The following IFNAR1 variants were observed in gnomAD, a reference collection of about 807,000 sequenced individuals.
IFNAR1 encodes interferon alpha/beta receptor 1.
A neutral mutation model predicts 62.1 loss-of-function variants in IFNAR1; 47 were observed. The ratio of observed to expected loss-of-function variants is 0.76; its 90% CI spans 0.60 to 0.97. IFNAR1 has a LOEUF of 0.97. Ranked by LOEUF, IFNAR1 falls within the 50% of genes least tolerant of loss-of-function variation. The pLI, the probability that IFNAR1 is intolerant of heterozygous loss-of-function variation, is 0.00. For missense variants in IFNAR1, 638 were observed against 654.5 expected, an observed-to-expected ratio of 0.97 and a Z score of 0.27; for synonymous variants, 219 against 226.9, an observed-to-expected ratio of 0.97 and a Z score of 0.31.
intron 1 of IFNAR1, chr21:33,334,822 C>A: frequency 1.1e-6 from 1 of 917,954 alleles, no homozygotes; most frequent in Non-Finnish European, 1.8e-6. Context: ...AATTCATGAC[C>A]CAGGTGGTGA....
In IFNAR1 at chr21:33,349,546, A is replaced by G. The variant is rs2083381413; in HGVS notation, c.1143+3A>G. 6.4e-7 allele frequency: 1 copy of G among 1,574,014 alleles called. No homozygotes were observed. Among genetic ancestry groups the G allele is most frequent in the Non-Finnish European group, 8.7e-7 (1 of 1,148,876 alleles). On this transcript the variant is annotated splice_donor_region_variant and intron_variant, in intron 8 of 10. Transcript: ENST00000270139. Reference sequence around the variant, plus strand: ...GGGAAAACACTTCAAATGCTGAGGTAAAAAGACTGTATAGTATAATTTTGT... The same window carrying G: ...GGGAAAACACTTCAAATGCTGAGGTGAAAAGACTGTATAGTATAATTTTGT...
intron 1 of IFNAR1, among the ~76,000 whole-genome samples, chr21:33,332,128 A>G (rs1183005179): frequency 6.6e-6 from 1 of 152,220 alleles, no homozygotes; most frequent in Non-Finnish European, 1.5e-5. Context: ...CAGACCTGAC[A>G]CCAAGAGGTG....
Position 33,355,626 on chromosome 21 carries a change from C to A in IFNAR1, c.*77C>A. The A allele has an allele frequency of 1.4e-6, 1 of 702,720 alleles. No individual in the cohort carries two copies. Among genetic ancestry groups the A allele is most frequent in the Non-Finnish European group, 2.4e-6 (1 of 417,102 alleles). The allele number at this position is 702,720 out of a possible 1,614,324, so 43.5% of individuals were successfully genotyped here. A position where few individuals can be genotyped will look rare whatever the true frequency, so the allele number is the denominator to read the frequency against. On this transcript the variant is annotated 3_prime_UTR_variant, in exon 11 of 11. Coordinates refer to ENST00000270139, the MANE Select transcript of IFNAR1 (RefSeq NM_000629.3). ...GAGCCTGAGGTCCTCACCTTCCTCT[C>A]AGTAACTACAGAGAGGACGTTTCCC...
At position 33,325,105 on chromosome 21, in the gene IFNAR1, C is replaced by T. The variant is rs143947592; in HGVS notation, c.50C>T (p.Ala17Val). 2.2e-5 allele frequency: 35 copies of T among 1,611,362 alleles called. No individual in the cohort carries two copies. The highest frequency in any genetic ancestry group is 2.9e-5 in the Non-Finnish European group (34 of 1,179,520). The change falls in exon 1 of 11, where the codon GCG (alanine) becomes GTG (valine). Residue 17 changes from alanine (A) to valine (V), a missense_variant. Physicochemically the swap from Ala to Val is moderately conservative, Grantham distance 64. Coordinates refer to ENST00000270139, the MANE Select transcript of IFNAR1 (RefSeq NM_000629.3). ...ACGACCCTAGTGCTCGTCGCCGTGG[C>T]GCCATGGGTGTTGTCCGCAGCCGCA... ...GATTLVLVAV[A>V]PWVLSAAAGG...
intron 6 of IFNAR1, among the ~76,000 whole-genome samples, chr21:33,347,423 C>T (rs1009882331): frequency 4.6e-5 from 7 of 152,146 alleles, no homozygotes; most frequent in Admixed American, 3.3e-4. Context: ...AGGCACCGCG[C>T]TCAGCCATTT....
At chr21:33,327,345 C>T (rs1354238256) in intron 1 of IFNAR1, among the ~76,000 whole-genome samples, 1 of 152,144 alleles carries the variant, frequency 6.6e-6, no homozygotes, top group Non-Finnish European at 1.5e-5. Context: ...ATTTCTTAAG[C>T]TCTTAGCTGT....
At chr21:33,334,066 CTG>C in intron 1 of IFNAR1, among the ~76,000 whole-genome samples, 1 of 152,138 alleles carries the variant, frequency 6.6e-6, no homozygotes, top group East Asian at 1.9e-4. Context: ...AAGTCAAAAA[CTG>C]TAAAAACAGA....
In IFNAR1 at chr21:33,324,972, T is replaced by C; in HGVS notation, c.-84T>C. On this transcript the variant is annotated 5_prime_UTR_variant, in exon 1 of 11. Transcript: ENST00000270139. ...GGGCAGCGCGTGTGCAGAGGGGCGGTGTGACTTAGGACGGGGCGATGGCGG... is the reference window on the plus strand; with the variant it reads ...GGGCAGCGCGTGTGCAGAGGGGCGGCGTGACTTAGGACGGGGCGATGGCGG... 1 of 1,248,472 alleles carries C rather than the reference T, an allele frequency of 8.0e-7. No individual in the cohort carries two copies. 77.3% of individuals were successfully genotyped at this position (1,248,472 alleles called of 1,614,324 possible). A position where few individuals can be genotyped will look rare whatever the true frequency, so the allele number is the denominator to read the frequency against.
intron 6 of IFNAR1, among the ~76,000 whole-genome samples, chr21:33,347,484 C>T (rs2083360797): frequency 2.0e-5 from 3 of 151,912 alleles, no homozygotes; most frequent in Admixed American, 6.6e-5. Context: ...CCAGGCTGTT[C>T]GCAAACTCCT....
At chr21:33,351,538 T>C (rs2083397271) in intron 8 of IFNAR1, among the ~76,000 whole-genome samples, 1 of 149,978 alleles carries the variant, frequency 6.7e-6, no homozygotes, top group Non-Finnish European at 1.5e-5. Flanking sequence ...TATTTTTTTA[T>C]TTTATTTTAT....
chr21:33,341,225 G>A (rs756190099), intron 3 of IFNAR1, 51 bp downstream of exon 3: 2 of 1,395,108 alleles, frequency 1.4e-6, no homozygotes, highest in African/African-American at 1.4e-5. Context: ...TATTACCAGA[G>A]CAGTTCACTT....
At position 33,335,662 on chromosome 21, in the gene IFNAR1, T is replaced by C; in HGVS notation, c.200+15T>C. The C allele has an allele frequency of 2.0e-6, 3 of 1,511,540 alleles. No homozygotes were observed. The highest frequency in any genetic ancestry group is 2.7e-6 in the Non-Finnish European group (3 of 1,126,074). 93.6% of individuals were successfully genotyped at this position (1,511,540 alleles called of 1,614,324 possible). A position where few individuals can be genotyped will look rare whatever the true frequency, so the allele number is the denominator to read the frequency against. On this transcript the variant is annotated intron_variant, in intron 2 of 10. Transcript: ENST00000270139. ...GATTATCAAAAGTATGTGACTCTAC[T>C]TACTGATTTGTCAGAATGACCTGAA...
Position 33,341,273 on chromosome 21 carries a change from C to G in IFNAR1, c.376+99C>G, listed in dbSNP as rs139317995. The G allele has an allele frequency of 4.7e-4, 437 of 924,178 alleles. 5 individuals carry two copies. In the Middle Eastern group the frequency reaches 5.6e-3, roughly 12 times the overall value. The allele number at this position is 924,178 out of a possible 1,614,324, so 57.2% of individuals were successfully genotyped here. ...ATTTGCATGATGCAAAATCTAACAT[C>G]TTTTAAAAAGAACAAAAATTCCCTT... On this transcript the variant is annotated intron_variant, in intron 3 of 10. Transcript: ENST00000270139.
intron 2 of IFNAR1, among the ~76,000 whole-genome samples, chr21:33,339,019 G>A (rs1043241284): frequency 1.1e-4 from 16 of 152,024 alleles, no homozygotes; most frequent in African/African-American, 3.6e-4. Context: ...TGGGATTACA[G>A]GTGTGAGCCA....
intron 1 of IFNAR1, chr21:33,334,666 C>A: frequency 2.5e-6 from 2 of 796,038 alleles, no homozygotes; most frequent in Non-Finnish European, 4.4e-6. Context: ...GAAGACCCAG[C>A]CAGTGGGGCT....
At position 33,341,137 on chromosome 21, in the gene IFNAR1, A is replaced by G. The variant is rs1250937095; in HGVS notation, c.339A>G (p.Ser113=). The G allele has an allele frequency of 1.9e-6, 3 of 1,613,538 alleles. No homozygotes were observed. Among genetic ancestry groups the G allele is most frequent in the Admixed American group, 1.7e-5 (1 of 59,980 alleles). ...RIRAEKENTS[S]WYEVDSFTPF... is the part of the protein sequence containing the mutation. ...GAGCAGAAAAAGAAAACACTTCTTCATGGTATGAGGTTGACTCATTTACAC... is the reference window on the plus strand; with the variant it reads ...GAGCAGAAAAAGAAAACACTTCTTCGTGGTATGAGGTTGACTCATTTACAC... Residue 113 remains serine, a synonymous_variant, in exon 3 of 11, where the codon TCA becomes TCG. Transcript: ENST00000270139.
At chr21:33,328,770 T>G (rs1270539516) in intron 1 of IFNAR1, among the ~76,000 whole-genome samples, 2 of 152,152 alleles carry the variant, frequency 1.3e-5, no homozygotes, top group Non-Finnish European at 1.5e-5. Flanking sequence ...AGTAAACCAT[T>G]TTGGTCGTGA....
intron 1 of IFNAR1, among the ~76,000 whole-genome samples, chr21:33,331,807 C>G (rs2083183842): frequency 6.6e-6 from 1 of 152,152 alleles, no homozygotes; most frequent in Non-Finnish European, 1.5e-5. Context: ...ACCCTGCTCC[C>G]CAGGCCCAAA....
intron 2 of IFNAR1, among the ~76,000 whole-genome samples, chr21:33,337,686 C>CTGTATACATACATATACACACATTA (rs2083252375): frequency 1.7e-5 from 1 of 58,534 alleles, no homozygotes; most frequent in Non-Finnish European, 3.7e-5. Flanking sequence ...ATAATACATA[C>CTGTATACATACATATACACACATTA]TGTATACATA....
Sources: allele counts gnomAD v4.1 joint callset (sites outside exome capture counted in the v4.1 genomes callset), GRCh38; gene constraint gnomAD v4.1.1; transcripts MANE v1.5; gene names NCBI Gene and HGNC (gene_info 2026-07-23, HGNC 2026-07-21).